Variants in ASH1L observed in about 807,000 individuals in gnomAD.
ASH1L encodes the protein ASH1 like histone lysine methyltransferase, also known as histone-lysine N-methyltransferase ASH1L.
ASH1L carries 23 observed loss-of-function variants against 269.0 expected under a neutral mutation model. That is an observed-to-expected ratio of 0.09 (90% confidence interval 0.06 to 0.12). ASH1L has a LOEUF of 0.12. Among genes scored for constraint, ASH1L ranks in the 10% least tolerant of loss-of-function variants. The probability of loss-of-function intolerance (pLI) is 1.00; values close to 1 mark genes in which losing one functional copy is unlikely to be tolerated. For synonymous variants in ASH1L, 1,187 were observed against 1,253.5 expected, an observed-to-expected ratio of 0.95 and a Z score of 1.12; for missense variants, 2,912 against 3,567.8, an observed-to-expected ratio of 0.82 and a Z score of 4.68.
At chr1:155,524,566 C>T (rs1267156127) in intron 1 of ASH1L, among the ~76,000 whole-genome samples, 1 of 151,128 alleles carries the variant, frequency 6.6e-6, no homozygotes, top group Non-Finnish European at 1.5e-5. Flanking sequence ...TGCACAGTAG[C>T]TCGCACCTAC....
At chr1:155,394,519 G>C (rs1395291653) in intron 7 of ASH1L, among the ~76,000 whole-genome samples, 1 of 152,164 alleles carries the variant, frequency 6.6e-6, no homozygotes, top group Non-Finnish European at 1.5e-5. Flanking sequence ...TACTGTCACA[G>C]ACTTGAGAGA....
Position 155,459,862 on chromosome 1 carries a change from G to A in ASH1L, c.5021C>T (p.Pro1674Leu), listed in dbSNP as rs1483662754. The part of the protein sequence containing the change: ...QPTSDKPSQR[P>L]SESTNCSPTR... ...AGGGCTACAATTTGTGCTCTCTGAT[G>A]GCCGCTGGGAGGGTTTATCAGAGGT... is the stretch of plus-strand genomic sequence containing the variant. Residue 1674 changes from proline to leucine, a missense_variant, in exon 4 of 28, where the codon CCA (proline) becomes CTA (leucine). Around this residue, in one of 13 missense-constraint regions of ASH1L, gnomAD observed 789 missense variants for 897.6 expected, o/e 0.88. Transcript: ENST00000392403. 3.1e-6 allele frequency: 5 copies of A among 1,612,460 alleles called. No individual in the cohort carries two copies. Among genetic ancestry groups the A allele is most frequent in the Admixed American group, 1.7e-5 (1 of 59,748 alleles).
chr1:155,339,272 C>A, intron 26 of ASH1L, 56 bp downstream of exon 26: 1 of 1,520,290 alleles, frequency 6.6e-7, no homozygotes, highest in African/African-American at 1.4e-5. Flanking sequence ...TTTTCTTGAT[C>A]CATTCAAGCT....
intron 7 of ASH1L, among the ~76,000 whole-genome samples, chr1:155,381,591 G>A (rs1024933657): frequency 6.6e-6 from 1 of 152,004 alleles, no homozygotes; most frequent in Non-Finnish European, 1.5e-5. Context: ...ACCAACCTTG[G>A]CTGGGCGCAA....
At chr1:155,477,440 CT>C in intron 3 of ASH1L, among the ~76,000 whole-genome samples, 1 of 144,564 alleles carries the variant, frequency 6.9e-6, no homozygotes, top group East Asian at 2.1e-4. Context: ...CATATTCTTC[CT>C]GTAACAAAGA....
intron 10 of ASH1L, among the ~76,000 whole-genome samples, chr1:155,373,223 AAAAAAAAAAC>A: frequency 7.6e-6 from 1 of 132,180 alleles, no homozygotes; most frequent in African/African-American, 3.8e-5. Flanking sequence ...AAAAAAAAAC[AAAAAAAAAAC>A]AAAAAAAAAC....
chr1:155,356,215 G>A (rs936309159), intron 15 of ASH1L, among the ~76,000 whole-genome samples: 1 of 152,102 alleles, frequency 6.6e-6, no homozygotes, highest in Non-Finnish European at 1.5e-5. Context: ...AGGATTACAG[G>A]TGTGAGCCAC....
chr1:155,517,650 C>G (rs1399167268), intron 2 of ASH1L, among the ~76,000 whole-genome samples: 1 of 37,472 alleles, frequency 2.7e-5, no homozygotes, highest in Non-Finnish European at 1.5e-4. Context: ...CTAAAACAAA[C>G]AAACAAACAA....
chr1:155,433,349 G>A, intron 5 of ASH1L: 2 of 1,591,140 alleles, frequency 1.3e-6, no homozygotes. Context: ...AGGCTCTGAG[G>A]TGTGGGGGAT....
intron 1 of ASH1L, among the ~76,000 whole-genome samples, chr1:155,532,305 GT>G (rs912674715): frequency 6.6e-6 from 1 of 151,934 alleles, no homozygotes; most frequent in Non-Finnish European, 1.5e-5. Context: ...CTAACCATAT[GT>G]TTTTTAAAAA....
chr1:155,339,834 C>T (rs1164073857), intron 25 of ASH1L, among the ~76,000 whole-genome samples: 1 of 152,018 alleles, frequency 6.6e-6, no homozygotes, highest in African/African-American at 2.4e-5. Flanking sequence ...GTTGTAATAC[C>T]ATGGTAAGTA....
intron 2 of ASH1L, among the ~76,000 whole-genome samples, chr1:155,484,727 G>A (rs1345870105): frequency 1.3e-5 from 2 of 151,106 alleles, no homozygotes; most frequent in Non-Finnish European, 2.9e-5. Context: ...TCAGGAGTTT[G>A]AGACCAGCCT....
chr1:155,433,543 C>G, intron 5 of ASH1L: 15 of 1,610,434 alleles, frequency 9.3e-6, no homozygotes, highest in Non-Finnish European at 1.2e-5. Context: ...CCCCTGGTGC[C>G]GTGAAACTGG....
chr1:155,351,013 A>G (rs544233434), intron 17 of ASH1L, among the ~76,000 whole-genome samples: 1 of 152,018 alleles, frequency 6.6e-6, no homozygotes, highest in South Asian at 2.1e-4. Flanking sequence ...TGAGGTGGGC[A>G]GATCACGAGG....
intron 4 of ASH1L, among the ~76,000 whole-genome samples, chr1:155,440,788 T>C (rs1391779866): frequency 1.3e-5 from 2 of 152,202 alleles, no homozygotes; most frequent in Non-Finnish European, 2.9e-5. Flanking sequence ...CTTCTAATTG[T>C]CTACTTTTGC....
At chr1:155,506,161 C>T (rs78894316) in intron 2 of ASH1L, among the ~76,000 whole-genome samples, 3 of 152,174 alleles carry the variant, frequency 2.0e-5, no homozygotes, top group East Asian at 3.8e-4. Context: ...CTACAAATGA[C>T]ATGAACTCAT....
At chr1:155,461,853 C>T (rs1337973229) in intron 3 of ASH1L, among the ~76,000 whole-genome samples, 1 of 144,112 alleles carries the variant, frequency 6.9e-6, no homozygotes, top group East Asian at 2.1e-4. Context: ...GGCTGGAGAG[C>T]AGTGGTGCAA....
chr1:155,338,300 G>C lies in ASH1L; in HGVS notation c.8592C>G (p.Ala2864=). The C allele has an allele frequency of 1.9e-6, 3 of 1,613,892 alleles. No individual in the cohort carries two copies. Among genetic ancestry groups the C allele is most frequent in the Non-Finnish European group, 2.5e-6 (3 of 1,179,996 alleles). The change falls in exon 27 of 28, where the codon GCC becomes GCG. Residue 2864 remains alanine, a synonymous_variant. Transcript: ENST00000392403. ...DALPLIEEVL[A]SQEQAANEIP... The stretch of plus-strand genomic sequence containing the variant: ...TCTCATTGGCTGCTTGCTCTTGACT[G>C]GCTAGAACCTCTTCAATCAAGGGTA...
chr1:155,530,335 C>A (rs1669581271), intron 1 of ASH1L, among the ~76,000 whole-genome samples: 1 of 152,172 alleles, frequency 6.6e-6, no homozygotes, highest in South Asian at 2.1e-4. Flanking sequence ...TATATCCCAG[C>A]ACGTAGAACA....
Sources: gnomAD v4.1 joint callset for allele counts (sites outside exome capture counted in the v4.1 genomes callset) on GRCh38, gnomAD v4.1.1 for gene constraint, gnomAD v4.1.1 regional missense constraint, MANE v1.5 for transcripts, NCBI Gene and HGNC (gene_info 2026-07-23, HGNC 2026-07-21) for gene names.